Variants in TP53TG3D observed in about 807,000 individuals in gnomAD.
TP53TG3D encodes TP53-target gene 3 protein.
For synonymous variants in TP53TG3D, 2 were observed against 56.9 expected (o/e 0.04, Z 4.34); for missense variants, 4 against 139.9 (o/e 0.03, Z 4.90).
chr16:32,255,071 T>C, exon 2 of TP53TG3D: 2 of 1,443,916 alleles, frequency 1.4e-6, no homozygotes, highest in South Asian at 2.4e-5. Flanking sequence ...GAATGGAACA[T>C]TTAAGACAAG....
chr16:32,255,403 T>A (rs1962204574), exon 2 of TP53TG3D: 1 of 203,932 alleles, frequency 4.9e-6, no homozygotes, highest in Non-Finnish European at 9.7e-6. Flanking sequence ...TCTCCTCTCC[T>A]CAGGCTCAAT....
intron 1 of TP53TG3D, chr16:32,254,672 T>C (rs1385652372): frequency 1.4e-6 from 2 of 1,447,612 alleles, no homozygotes; most frequent in African/African-American, 1.5e-5. Context: ...CTCCGGGCCG[T>C]GATTAATGCA....
Position 32,254,851 on chromosome 16 carries a change from C to A in TP53TG3D, c.363-40C>A, listed in dbSNP as rs780837176. 8.4e-5 allele frequency: 134 copies of A among 1,596,358 alleles called. 5 individuals are homozygous for A. Among genetic ancestry groups the A allele is most frequent in the Middle Eastern group, 6.8e-4 (3 of 4,412 alleles). On this transcript the variant is annotated intron_variant, in intron 1 of 1. Transcript: ENST00000398664. ...CACTTTTAATAGTTTTCTGATAGAA[C>A]TAAACAGTGATCATTCTCTTAATTC...
At chr16:32,254,811 A>G (rs1962184550) in intron 1 of TP53TG3D, 80 bp from the exon 2 acceptor site, 6 of 1,607,334 alleles carry the variant, frequency 3.7e-6, no homozygotes. Flanking sequence ...TCTCTTTTTA[A>G]ATACCCCCTT....
At chr16:32,254,899 G>C in exon 2 of TP53TG3D, 1 of 1,598,788 alleles carries the variant, frequency 6.3e-7, no homozygotes, top group Non-Finnish European at 8.5e-7. Context: ...AGTTTTTCAG[G>C]TTAAGTACTG....
chr16:32,254,479 G>C (rs1359321104), intron 1 of TP53TG3D: 10 of 1,521,146 alleles, frequency 6.6e-6, no homozygotes, highest in Non-Finnish European at 7.9e-6. Flanking sequence ...GGCCTCTCAC[G>C]GAGACTTTCC....
intron 1 of TP53TG3D, chr16:32,254,472 C>T: frequency 6.6e-7 from 1 of 1,524,120 alleles, no homozygotes; most frequent in South Asian, 1.2e-5. Context: ...TAGGTCGGGC[C>T]TCTCACGGAG....
intron 1 of TP53TG3D, 27 bp downstream of exon 1, chr16:32,253,742 CGCGGCCCGCCCCTTTT>C (rs1308392214): frequency 6.2e-7 from 1 of 1,606,384 alleles, no homozygotes; most frequent in East Asian, 2.3e-5. Flanking sequence ...AAGGGTGGGG[CGCGGCCCGCCCCTTTT>C]CTCACCCCGC....
chr16:32,254,833 AAT>A, intron 1 of TP53TG3D, 56 bp from the exon 2 acceptor site: 1 of 1,605,828 alleles, frequency 6.2e-7, no homozygotes, highest in Non-Finnish European at 8.5e-7. Flanking sequence ...GACCACTTTT[AAT>A]AGTTTTCTGA....
chr16:32,253,896 G>C (rs948082755), intron 1 of TP53TG3D, 181 bp downstream of exon 1: 1 of 1,110,298 alleles, frequency 9.0e-7, no homozygotes, highest in Non-Finnish European at 1.2e-6. Flanking sequence ...TCTTGGGATC[G>C]CCTCAAGAAG....
At chr16:32,255,150 CTCTAAGAACTTATT>C (rs1962194689) in exon 2 of TP53TG3D, 1 of 783,526 alleles carries the variant, frequency 1.3e-6, no homozygotes, top group Admixed American at 2.8e-5. Context: ...AAGACAAAAA[CTCTAAGAACTTATT>C]TCCATTCTTA....
chr16:32,255,241 C>A (rs1486028129), exon 2 of TP53TG3D: 19 of 425,048 alleles, frequency 4.5e-5, no homozygotes, highest in Non-Finnish European at 7.0e-5. Context: ...TCCTAAATCA[C>A]AATATGGCCT....
At chr16:32,254,752 G>T (rs1447487148) in intron 1 of TP53TG3D, 139 bp from the exon 2 acceptor site, 5 of 1,548,696 alleles carry the variant, frequency 3.2e-6, no homozygotes, top group African/African-American at 2.8e-5. Context: ...TGAGGTCAGG[G>T]ATAGTGTCTG....
At chr16:32,255,318 T>C (rs1315183084) in exon 2 of TP53TG3D, 3 of 276,784 alleles carry the variant, frequency 1.1e-5, no homozygotes, top group Non-Finnish European at 1.4e-5. Flanking sequence ...AAAAATAGGT[T>C]TTTGAACAAT....
exon 2 of TP53TG3D, chr16:32,255,203 A>T (rs1962196138): frequency 1.9e-6 from 1 of 524,262 alleles, no homozygotes; most frequent in Non-Finnish European, 3.5e-6. Context: ...AATCATATCA[A>T]GTCAATTGAA....
exon 2 of TP53TG3D, chr16:32,255,234 T>C (rs1267552430): frequency 2.3e-6 from 1 of 442,584 alleles, no homozygotes; most frequent in African/African-American, 2.0e-5. Flanking sequence ...GCTGCTTTCC[T>C]AAATCACAAT....
At chr16:32,254,699 G>A in intron 1 of TP53TG3D, 192 bp from the exon 2 acceptor site, 1 of 1,457,212 alleles carries the variant, frequency 6.9e-7, no homozygotes, top group South Asian at 1.5e-5. Context: ...CAGGACCAGA[G>A]CGCCCCTTGG....
In TP53TG3D at chr16:32,255,053, A is replaced by G; in HGVS notation, c.*150A>G. The G allele has an allele frequency of 3.3e-6, 5 of 1,506,362 alleles. No homozygotes were observed. The South Asian group carries it at 3.5e-5, about 11-fold the overall frequency. The allele number at this position is 1,506,362 out of a possible 1,614,324, so 93.3% of individuals were successfully genotyped here. ...GAAGAAACAAATTTAAATAAGTTCTAAGGTAAAGAATGGAACATTTAAGAC... is the reference window on the plus strand; with the variant it reads ...GAAGAAACAAATTTAAATAAGTTCTGAGGTAAAGAATGGAACATTTAAGAC... On this transcript the variant is annotated 3_prime_UTR_variant, in exon 2 of 2. Transcript: ENST00000398664.
Position 32,254,732 on chromosome 16 carries a change from G to T in TP53TG3D, c.363-159G>T, listed in dbSNP as rs1159040373. On this transcript the variant is annotated intron_variant, in intron 1 of 1. Coordinates refer to ENST00000398664, the Ensembl canonical transcript of TP53TG3D. ...TGGTCCCTCCCAACACATGAGGGTAGTTTGTGTGGTGAGGTCAGGGATAGT... is the reference window on the plus strand; with the variant it reads ...TGGTCCCTCCCAACACATGAGGGTATTTTGTGTGGTGAGGTCAGGGATAGT... The T allele has an allele frequency of 8.0e-6, 12 of 1,493,736 alleles. No homozygotes were observed. The African/African-American group carries it at 8.6e-5, about 11-fold the overall frequency. 92.5% of individuals were successfully genotyped at this position (1,493,736 alleles called of 1,614,324 possible). A position where few individuals can be genotyped will look rare whatever the true frequency, so the allele number is the denominator to read the frequency against.
Sources: allele counts gnomAD v4.1 joint callset, GRCh38; gene constraint gnomAD v4.1.1; transcripts MANE v1.5; gene names NCBI Gene and HGNC (gene_info 2026-07-23, HGNC 2026-07-21).